ADGRV1: variants seen among roughly 807,000 people sequenced by gnomAD.
The protein encoded by ADGRV1 is G-protein coupled receptor 98.
ADGRV1 carries 359 observed loss-of-function variants against 596.2 expected under a neutral mutation model. The observed-to-expected ratio is 0.60, with a 90% CI of 0.55 to 0.66. The LOEUF (loss-of-function observed/expected upper bound fraction) is 0.66. ADGRV1 is among the 30% of genes least tolerant of loss of function. The pLI, the probability that ADGRV1 is intolerant of heterozygous loss-of-function variation, is 0.00. For synonymous variants in ADGRV1, 2,681 were observed against 2,679.2 expected (o/e 1.00, Z -0.02); for missense variants, 7,274 against 7,575.6 (o/e 0.96, Z 1.48).
chr5:91,056,297 A>G (rs536328821), intron 85 of ADGRV1, among the ~76,000 whole-genome samples: 1 of 152,178 alleles, frequency 6.6e-6, no homozygotes, highest in South Asian at 2.1e-4. Flanking sequence ...GCTGTAGTGG[A>G]TCAGACCAGC....
At chr5:90,958,099 A>C (rs1777642140) in intron 83 of ADGRV1, among the ~76,000 whole-genome samples, 1 of 151,860 alleles carries the variant, frequency 6.6e-6, no homozygotes, top group Admixed American at 6.6e-5. Flanking sequence ...AACATGCCAA[A>C]GCCCTGACTC....
chr5:90,672,464 A>T, intron 21 of ADGRV1, 82 bp from the exon 22 acceptor site: 1 of 1,142,546 alleles, frequency 8.8e-7, no homozygotes, highest in Non-Finnish European at 1.3e-6. Context: ...AGTTTATGGT[A>T]AAAGGATTTC....
chr5:90,685,976 G>T lies in ADGRV1; in HGVS notation c.6471G>T (p.Val2157=). The change falls in exon 29 of 90, where the codon GTG becomes GTT. Residue 2157 remains valine, a synonymous_variant. Coordinates refer to ENST00000405460, the MANE Select transcript of ADGRV1 (RefSeq NM_032119.4). ...ATGTCTCTGTGAAGTTTAAAGCTGT[G>T]CCAATAACTGCAATAGCTGGTAAGA... ...FADVSVKFKA[V]PITAIAGEDY... is the part of the protein sequence containing the mutation. The T allele has an allele frequency of 6.3e-7, 1 of 1,584,700 alleles. No individual in the cohort carries two copies. Among genetic ancestry groups the T allele is most frequent in the Non-Finnish European group, 8.6e-7 (1 of 1,162,582 alleles).
At chr5:90,779,237 G>A (rs531200896) in intron 64 of ADGRV1, 140 bp downstream of exon 64, 1 of 480,766 alleles carries the variant, frequency 2.1e-6, no homozygotes, top group Non-Finnish European at 3.7e-6. Flanking sequence ...ATTAGAACAG[G>A]ACATACAAGG....
At chr5:90,968,207 A>C (rs976292228) in intron 84 of ADGRV1, among the ~76,000 whole-genome samples, 14 of 152,168 alleles carry the variant, frequency 9.2e-5, no homozygotes, top group Non-Finnish European at 1.6e-4. Flanking sequence ...TAGGGAAGGA[A>C]ATTTTTGATT....
intron 83 of ADGRV1, among the ~76,000 whole-genome samples, chr5:90,930,695 C>T (rs1775160914): frequency 6.6e-6 from 1 of 152,048 alleles, no homozygotes. Flanking sequence ...CTTTGCTTAC[C>T]TGATAATTTT....
rs766508393 is a variant in ADGRV1 at position 90,683,965 on chromosome 5, A to T, written c.6044A>T (p.Tyr2015Phe). Residue 2015 changes from tyrosine to phenylalanine, a missense_variant, in exon 28 of 90, where the codon TAT becomes TTT. By Grantham distance (22) the Tyr-to-Phe change is conservative (BLOSUM62 3). Coordinates refer to ENST00000405460, the MANE Select transcript of ADGRV1 (RefSeq NM_032119.4). ...KGLMGKVLVS[Y>F]ATLDDMEKPP... is the part of the protein sequence containing the mutation. ...CTCATGGGAAAAGTCCTTGTCTCAT[A>T]TGCAACACTAGATGATATGGAAAAA... 6.2e-6 allele frequency: 10 copies of T among 1,613,846 alleles called. No homozygotes were observed. The Admixed American group carries it at 8.3e-5, about 13-fold the overall frequency.
chr5:91,008,540 G>GATA (rs1216386479), intron 85 of ADGRV1, among the ~76,000 whole-genome samples: 1 of 152,040 alleles, frequency 6.6e-6, no homozygotes, highest in African/African-American at 2.4e-5. Context: ...GTCTCGCTCT[G>GATA]TCACCCAGGC....
In ADGRV1 at chr5:90,967,001, G is replaced by A. The variant is rs141832423; in HGVS notation, c.17973+1470G>A. The stretch of plus-strand genomic sequence containing the variant: ...GAAGGTTGTGGGACTTGATGATGTA[G>A]CAACAGTGAATTAATGGTAAAAGGA... On this transcript the variant is annotated intron_variant, in intron 84 of 89. Transcript: ENST00000405460. 8.5e-5 allele frequency among the ~76,000 whole-genome samples: 13 copies of A among 152,280 alleles called. No homozygotes were observed. The East Asian group carries it at 2.1e-3, about 25-fold the overall frequency.
At chr5:90,925,041 G>A (rs13355731) in intron 83 of ADGRV1, among the ~76,000 whole-genome samples, 40,945 of 149,980 alleles carry the variant, frequency 0.27, 6,096 homozygotes, top group Non-Finnish European at 0.34. Context: ...GTAGCCTTGT[G>A]GTATAGTTTG....
chr5:90,834,090 ACTGT>A (rs1400174551), intron 77 of ADGRV1, among the ~76,000 whole-genome samples: 3 of 152,148 alleles, frequency 2.0e-5, no homozygotes, highest in East Asian at 1.9e-4. Context: ...CTTATTATAT[ACTGT>A]CTATGTCTAG....
At chr5:91,156,113 A>G (rs1796458863) in intron 89 of ADGRV1, among the ~76,000 whole-genome samples, 1 of 152,196 alleles carries the variant, frequency 6.6e-6, no homozygotes, top group Admixed American at 6.5e-5. Flanking sequence ...GGTGGCTCCT[A>G]AATATTCAGG....
At chr5:90,908,961 A>AT (rs1772584494) in intron 83 of ADGRV1, among the ~76,000 whole-genome samples, 1 of 152,206 alleles carries the variant, frequency 6.6e-6, no homozygotes, top group Non-Finnish European at 1.5e-5. Context: ...TTTTAGAGTG[A>AT]TTTTAAGGAT....
rs545098323 is a variant in ADGRV1 at position 90,728,187 on chromosome 5, T to G, written c.10162-482T>G. Among the ~76,000 whole-genome samples, 8 of 152,332 alleles carry G rather than the reference T, an allele frequency of 5.3e-5. No homozygotes were observed. In the East Asian group the frequency reaches 1.4e-3, roughly 26 times the overall value. ...ATTTTAATTTTGCATTTATGAACAC[T>G]TACCCTGAAAACTTGCATACGTTGA... On this transcript the variant is annotated intron_variant, in intron 48 of 89. Coordinates refer to ENST00000405460, the MANE Select transcript of ADGRV1 (RefSeq NM_032119.4).
At chr5:90,896,059 T>A (rs1771281813) in intron 83 of ADGRV1, among the ~76,000 whole-genome samples, 1 of 152,006 alleles carries the variant, frequency 6.6e-6, no homozygotes, top group African/African-American at 2.4e-5. Context: ...TCAAGCTAAC[T>A]GGATTTCACT....
chr5:90,724,821 G>A lies in ADGRV1; in HGVS notation c.9749-11G>A, dbSNP rs1237504148. The A allele has an allele frequency of 6.2e-7, 1 of 1,611,982 alleles. No individual in the cohort carries two copies. Among genetic ancestry groups the A allele is most frequent in the Non-Finnish European group, 8.5e-7 (1 of 1,178,520 alleles). On this transcript the variant is annotated splice_polypyrimidine_tract_variant and intron_variant, in intron 45 of 89. Transcript: ENST00000405460. ...GTAATAAACTAGTAAACCATGATTT[G>A]TGTTTTTCAGGGGGAATGGATGTTG...
intron 1 of ADGRV1, among the ~76,000 whole-genome samples, chr5:90,607,346 T>A (rs982838640): frequency 6.6e-6 from 1 of 152,096 alleles, no homozygotes; most frequent in Non-Finnish European, 1.5e-5. Flanking sequence ...CTGCAGGAGA[T>A]CCTTAAAATC....
At chr5:90,645,824 T>C (rs1409363932) in intron 15 of ADGRV1, 144 bp from the exon 16 acceptor site, 18 of 505,236 alleles carry the variant, frequency 3.6e-5, no homozygotes, top group African/African-American at 3.3e-4. Flanking sequence ...CCTGAATGTG[T>C]TAGGGGAAGT....
At chr5:91,160,444 T>TC (rs1404963372) in intron 89 of ADGRV1, among the ~76,000 whole-genome samples, 1 of 152,202 alleles carries the variant, frequency 6.6e-6, no homozygotes, top group African/African-American at 2.4e-5. Flanking sequence ...CTAGCACCTC[T>TC]CATCCTCACT....
Sources: allele counts gnomAD v4.1 joint callset (sites outside exome capture counted in the v4.1 genomes callset), GRCh38; gene constraint gnomAD v4.1.1; transcripts MANE v1.5; gene names NCBI Gene and HGNC (gene_info 2026-07-23, HGNC 2026-07-21).